Variants in FAF2 observed in about 807,000 individuals in gnomAD.
FAF2 encodes Fas associated factor family member 2.
Under a neutral mutation model 62.3 loss-of-function variants are expected in FAF2, and 9 were observed. That is an observed-to-expected ratio of 0.14 (90% CI 0.09 to 0.25). FAF2 has a LOEUF of 0.25. Among genes scored for constraint, FAF2 ranks in the 10% least tolerant of loss-of-function variants. FAF2 has a pLI of 1.00. For missense variants in FAF2, 368 were observed against 556.2 expected, an observed-to-expected ratio of 0.66 and a Z score of 3.40; for synonymous variants, 202 against 198.0, an observed-to-expected ratio of 1.02 and a Z score of -0.17.
intron 1 of FAF2, among the ~76,000 whole-genome samples, chr5:176,468,791 A>C (rs1317286614): frequency 6.6e-6 from 1 of 151,742 alleles, no homozygotes; most frequent in Admixed American, 6.6e-5. Context: ...AAAACAAAAA[A>C]AAAAAAGGTG....
chr5:176,458,434 G>C (rs1241302091), intron 1 of FAF2, among the ~76,000 whole-genome samples: 1 of 4,946 alleles, frequency 2.0e-4, no homozygotes, highest in Non-Finnish European at 4.8e-4. Context: ...TTTTGAGACG[G>C]AGTCTCACTC....
intron 1 of FAF2, among the ~76,000 whole-genome samples, chr5:176,463,396 AG>A (rs1390832205): frequency 6.6e-6 from 1 of 151,980 alleles, no homozygotes; most frequent in Non-Finnish European, 1.5e-5. Flanking sequence ...AAAAAAAAAA[AG>A]GAATTAATGA....
chr5:176,462,855 GCAGGGAA>G (rs765059145), intron 1 of FAF2, among the ~76,000 whole-genome samples: 52 of 152,152 alleles, frequency 3.4e-4, no homozygotes, highest in Non-Finnish European at 5.4e-4. Context: ...TGAGGGATGG[GCAGGGAA>G]CAGACAAGGT....
rs145527447 is a variant in FAF2, at chr5:176,459,755, G to A, written c.63+11285G>A. Among the ~76,000 whole-genome samples, 5 of 152,180 alleles carry A rather than the reference G, an allele frequency of 3.3e-5. No individual in the cohort carries two copies. In the East Asian group the frequency reaches 9.6e-4, roughly 29 times the overall value. ...TTCAACTTTCATTTTAGATGAGGGG[G>A]TACATGTGTGGGTTTGATACATGAG... On this transcript the variant is annotated intron_variant, in intron 1 of 10. Coordinates refer to ENST00000261942, the MANE Select transcript of FAF2 (RefSeq NM_014613.3).
At chr5:176,486,278 G>A (rs559753777) in intron 2 of FAF2, 77 bp from the exon 3 acceptor site, 17 of 1,571,456 alleles carry the variant, frequency 1.1e-5, no homozygotes, top group Admixed American at 7.0e-5. Context: ...GGAATACCAC[G>A]CAATAGTTGC....
At chr5:176,472,852 C>A (rs1758598887) in intron 1 of FAF2, among the ~76,000 whole-genome samples, 1 of 152,076 alleles carries the variant, frequency 6.6e-6, no homozygotes, top group Non-Finnish European at 1.5e-5. Flanking sequence ...ACTTCTCAGA[C>A]CTTATCTGTC....
rs1040018698 is a variant in FAF2, at chr5:176,507,182, C to T, written c.*232C>T. 2 of 367,752 alleles carry T rather than the reference C, an allele frequency of 5.4e-6. No individual in the cohort carries two copies. Among genetic ancestry groups the T allele is most frequent in the South Asian group, 2.4e-5 (1 of 42,492 alleles). The allele number at this position is 367,752 out of a possible 1,614,324, so 22.8% of individuals were successfully genotyped here. On this transcript the variant is annotated 3_prime_UTR_variant, in exon 11 of 11. Coordinates refer to ENST00000261942, the MANE Select transcript of FAF2 (RefSeq NM_014613.3). ...GCGCAAGGTTAGCAACAAACGTACC[C>T]GCTTGGCAAGCCCACCCTTCCTGTG... is the stretch of plus-strand genomic sequence containing the variant.
chr5:176,488,688 G>T (rs1426955350), intron 3 of FAF2, among the ~76,000 whole-genome samples: 2 of 152,130 alleles, frequency 1.3e-5, no homozygotes, highest in Non-Finnish European at 2.9e-5. Flanking sequence ...CTCCCAAAGT[G>T]CTGGGATTAC....
At chr5:176,486,248 A>G in intron 2 of FAF2, 107 bp from the exon 3 acceptor site, 2 of 1,422,122 alleles carry the variant, frequency 1.4e-6, no homozygotes, top group South Asian at 1.3e-5. Flanking sequence ...CTTTTGGTGT[A>G]TTCATGACCA....
At chr5:176,492,461 G>T in intron 5 of FAF2, 129 bp downstream of exon 5, 2 of 1,032,676 alleles carry the variant, frequency 1.9e-6, no homozygotes, top group Non-Finnish European at 2.7e-6. Flanking sequence ...CTGCTTATAG[G>T]GGTGGGTAAT....
chr5:176,467,067 C>T (rs1758480605), intron 1 of FAF2, among the ~76,000 whole-genome samples: 1 of 149,584 alleles, frequency 6.7e-6, no homozygotes, highest in African/African-American at 2.5e-5. Flanking sequence ...GATCACGGAG[C>T]AAGGGATTTT....
intron 10 of FAF2, among the ~76,000 whole-genome samples, chr5:176,506,338 G>A (rs1170356261): frequency 2.0e-5 from 3 of 152,070 alleles, no homozygotes; most frequent in Non-Finnish European, 2.9e-5. Flanking sequence ...GCCAAGTTGT[G>A]GTTATATAGA....
chr5:176,483,421 A>G (rs1758816306), intron 2 of FAF2, among the ~76,000 whole-genome samples: 1 of 152,086 alleles, frequency 6.6e-6, no homozygotes, highest in East Asian at 1.9e-4. Flanking sequence ...TATTTGATGT[A>G]TTTGTAGTTA....
intron 1 of FAF2, among the ~76,000 whole-genome samples, chr5:176,462,415 A>C (rs972254702): frequency 2.0e-5 from 3 of 151,670 alleles, no homozygotes; most frequent in African/African-American, 4.9e-5. Flanking sequence ...CATGAGGTCA[A>C]GAGATCGAGA....
chr5:176,506,034 C>G (rs138452460), intron 10 of FAF2, among the ~76,000 whole-genome samples: 1 of 151,622 alleles, frequency 6.6e-6, no homozygotes, highest in South Asian at 2.1e-4. Flanking sequence ...GCTAAAAATA[C>G]GAAAAAATTA....
At chr5:176,490,772 T>C (rs1004199620) in intron 4 of FAF2, among the ~76,000 whole-genome samples, 1 of 152,100 alleles carries the variant, frequency 6.6e-6, no homozygotes, top group African/African-American at 2.4e-5. Flanking sequence ...GACATCTCTG[T>C]TTTTTTCTAA....
At chr5:176,468,496 A>G (rs2113724920) in intron 1 of FAF2, among the ~76,000 whole-genome samples, 1 of 152,276 alleles carries the variant, frequency 6.6e-6, no homozygotes, top group East Asian at 1.9e-4. Flanking sequence ...AGGCAGGAGA[A>G]TGGTGTGAAC....
chr5:176,477,617 A>G (rs1296768374), intron 1 of FAF2, among the ~76,000 whole-genome samples: 1 of 152,206 alleles, frequency 6.6e-6, no homozygotes, highest in Non-Finnish European at 1.5e-5. Flanking sequence ...CATTTTAAAC[A>G]TTAACATTTT....
chr5:176,485,467 C>G (rs184163988), intron 2 of FAF2, among the ~76,000 whole-genome samples: 1 of 152,198 alleles, frequency 6.6e-6, no homozygotes, highest in Admixed American at 6.5e-5. Context: ...CTTATCAGGT[C>G]TGACATAGAT....
Sources: allele counts gnomAD v4.1 joint callset (sites outside exome capture counted in the v4.1 genomes callset), GRCh38; gene constraint gnomAD v4.1.1; transcripts MANE v1.5; gene names NCBI Gene and HGNC (gene_info 2026-07-23, HGNC 2026-07-21).